The following LINGO2 variants were observed in gnomAD, a reference collection of about 807,000 sequenced individuals.
The protein encoded by LINGO2 is leucine rich repeat and Ig domain containing 2, also known as leucine-rich repeat and immunoglobulin-like domain-containing nogo receptor-interacting protein 2.
A neutral mutation model predicts 30.6 loss-of-function variants in LINGO2; 14 were observed. That is an observed-to-expected ratio of 0.46 (90% CI 0.30 to 0.72). The LOEUF (loss-of-function observed/expected upper bound fraction) is 0.72, where lower values mean the gene tolerates loss of function less well. LINGO2 is among the 30% of genes least tolerant of loss of function. The pLI is 0.07. For missense variants in LINGO2, 729 were observed against 751.7 expected, an observed-to-expected ratio of 0.97 and a Z score of 0.35; for synonymous variants, 317 against 288.5, an observed-to-expected ratio of 1.10 and a Z score of -1.00.
intron 1 of LINGO2, among the ~76,000 whole-genome samples, chr9:28,617,499 G>T (rs1041030922): frequency 6.6e-6 from 1 of 151,962 alleles, no homozygotes; most frequent in African/African-American, 2.4e-5. Flanking sequence ...GTTTCACCGT[G>T]TTAGTCAGGA....
rs141862560 is a variant in LINGO2, at chr9:28,570,188, T to C, written c.-364-94163A>G. On this transcript the variant is annotated intron_variant, in intron 1 of 5. Transcript: ENST00000379992. The stretch of plus-strand genomic sequence containing the variant: ...ACATATAGTACAACATAATGATAGA[T>C]ACAATGTCATATAATAATTGACATT... Among the ~76,000 whole-genome samples, 96 of 152,102 alleles carry C rather than the reference T, an allele frequency of 6.3e-4. 2 individuals are homozygous for C. The Middle Eastern group carries it at 0.02, about 32-fold the overall frequency.
chr9:29,053,916 A>G, the LINGO2 span, among the ~76,000 whole-genome samples: 1 of 152,116 alleles, frequency 6.6e-6, no homozygotes, highest in African/African-American at 2.4e-5. Context: ...AATGTAAGTT[A>G]AAAGAGAAGA....
At chr9:27,943,215 A>G (rs1335771865), downstream of LINGO2, 1 of 152,172 alleles carries the variant, frequency 6.6e-6, no homozygotes, top group Non-Finnish European at 1.5e-5. Flanking sequence ...ATGGCAACCA[A>G]ATTTCTGCTT....
At chr9:28,390,864 AT>A (rs1199693728) in intron 2 of LINGO2, among the ~76,000 whole-genome samples, 1 of 152,184 alleles carries the variant, frequency 6.6e-6, no homozygotes, top group East Asian at 1.9e-4. Flanking sequence ...AAAATCCAGC[AT>A]TTCACGTCAT....
intron 4 of LINGO2, among the ~76,000 whole-genome samples, chr9:28,109,088 A>C (rs1267161113): frequency 6.6e-6 from 1 of 152,240 alleles, no homozygotes; most frequent in South Asian, 2.1e-4. Context: ...AGGCTGGTTC[A>C]ACATATGCAA....
intron 4 of LINGO2, among the ~76,000 whole-genome samples, chr9:28,196,061 G>A (rs1402112996): frequency 6.6e-6 from 1 of 151,478 alleles, no homozygotes; most frequent in Non-Finnish European, 1.5e-5. Context: ...TTCTACTGAT[G>A]CAGATAAGTG....
the LINGO2 span, among the ~76,000 whole-genome samples, chr9:28,887,053 T>G: frequency 6.6e-6 from 1 of 152,114 alleles, no homozygotes; most frequent in African/African-American, 2.4e-5. Context: ...CAAGAAAGCC[T>G]AATGTATGAT....
At chr9:28,677,157 G>T in the LINGO2 span, among the ~76,000 whole-genome samples, 1 of 152,134 alleles carries the variant, frequency 6.6e-6, no homozygotes, top group Non-Finnish European at 1.5e-5. Context: ...GGCACAGAGG[G>T]ATTAACTAAC....
chr9:28,222,552 C>G (rs1821003941), intron 4 of LINGO2, among the ~76,000 whole-genome samples: 1 of 151,944 alleles, frequency 6.6e-6, no homozygotes, highest in African/African-American at 2.4e-5. Flanking sequence ...TCAGCATTAC[C>G]TTAGGTTTTA....
In LINGO2 at chr9:28,039,970, T is replaced by A. The variant is rs1824123270; in HGVS notation, c.-86-27565A>T. On this transcript the variant is annotated intron_variant, in intron 4 of 5. Transcript: ENST00000379992. ...TCCATCCTCTATACATTTGCCACTC[T>A]TTGAAAACAAACTATTAAAACATGT... is the stretch of plus-strand genomic sequence containing the variant. Among the ~76,000 whole-genome samples, 3 of 152,294 alleles carry A rather than the reference T, an allele frequency of 2.0e-5. No individual in the cohort carries two copies. In the Middle Eastern group the frequency reaches 0.01, roughly 518 times the overall value.
At chr9:29,146,384 C>A in the LINGO2 span, among the ~76,000 whole-genome samples, 323 of 85,980 alleles carry the variant, frequency 3.8e-3, 2 homozygotes, top group African/African-American at 0.015. Context: ...CAAAAAAAAA[C>A]CAGCTAAGAC....
At chr9:28,547,368 T>A (rs1822003127) in intron 1 of LINGO2, among the ~76,000 whole-genome samples, 1 of 152,148 alleles carries the variant, frequency 6.6e-6, no homozygotes, top group Admixed American at 6.5e-5. Context: ...GAAGAGACCC[T>A]TTAAAATGTT....
At chr9:28,248,494 C>A (rs1822082516) in intron 4 of LINGO2, among the ~76,000 whole-genome samples, 1 of 152,236 alleles carries the variant, frequency 6.6e-6, no homozygotes, top group South Asian at 2.1e-4. Context: ...GAAGGATATG[C>A]AGATTGTTGA....
At chr9:28,737,247 C>T in the LINGO2 span, among the ~76,000 whole-genome samples, 1 of 152,310 alleles carries the variant, frequency 6.6e-6, no homozygotes, top group Admixed American at 6.5e-5. Context: ...CCAGTCACTC[C>T]AGTCATCCAA....
At chr9:28,713,466 GA>G in the LINGO2 span, among the ~76,000 whole-genome samples, 1 of 152,112 alleles carries the variant, frequency 6.6e-6, no homozygotes, top group Non-Finnish European at 1.5e-5. Context: ...CTAGCCAAAA[GA>G]ACGTGAGCAA....
the LINGO2 span, among the ~76,000 whole-genome samples, chr9:28,855,386 C>T: frequency 2.0e-5 from 3 of 151,938 alleles, no homozygotes; most frequent in Admixed American, 6.6e-5. Context: ...GTAATGCATT[C>T]GTAACCAGAA....
the LINGO2 span, among the ~76,000 whole-genome samples, chr9:28,740,586 T>A: frequency 3.3e-5 from 5 of 152,052 alleles, no homozygotes; most frequent in East Asian, 1.9e-4. Flanking sequence ...AAATCTTTTT[T>A]AATTTCTGTT....
chr9:28,797,343 TATATATATATATATATAGAGAG>T, the LINGO2 span, among the ~76,000 whole-genome samples: 119 of 72,106 alleles, frequency 1.7e-3, no homozygotes, highest in African/African-American at 5.6e-3. Flanking sequence ...TATATATATA[TATATATATATATATATAGAGAG>T]AGAGAGAGAG....
intron 3 of LINGO2, among the ~76,000 whole-genome samples, chr9:28,298,608 G>T (rs1307343284): frequency 6.6e-6 from 1 of 151,556 alleles, no homozygotes; most frequent in South Asian, 2.1e-4. Flanking sequence ...GCTTGAACCT[G>T]GGAGGCAGAG....
Sources: gnomAD v4.1 joint callset for allele counts (sites outside exome capture counted in the v4.1 genomes callset) on GRCh38, gnomAD v4.1.1 for gene constraint, MANE v1.5 for transcripts, NCBI Gene and HGNC (gene_info 2026-07-23, HGNC 2026-07-21) for gene names.